LRIG1: variants seen among roughly 807,000 people sequenced by gnomAD.
LRIG1 encodes the protein leucine-rich repeats and immunoglobulin-like domains protein 1.
LRIG1 carries 48 observed loss-of-function variants against 99.2 expected under a neutral mutation model. That is an observed-to-expected ratio of 0.48 (90% CI 0.38 to 0.62). LRIG1 has a LOEUF of 0.62. Among genes scored for constraint, LRIG1 ranks in the 20% least tolerant of loss-of-function variants. The pLI is 0.00. For missense variants in LRIG1, 1,646 were observed against 1,434.4 expected (o/e 1.15, Z -2.38); for synonymous variants, 772 against 596.1 (o/e 1.29, Z -4.30).
chr3:66,422,440 C>T (rs1424990675), intron 3 of LRIG1, among the ~76,000 whole-genome samples: 2 of 152,204 alleles, frequency 1.3e-5, no homozygotes, highest in African/African-American at 2.4e-5. Flanking sequence ...CAAAGTTCCA[C>T]AAATCTCTAG....
chr3:66,417,854 C>A (rs1341153256), intron 3 of LRIG1, among the ~76,000 whole-genome samples: 2 of 151,744 alleles, frequency 1.3e-5, no homozygotes, highest in Non-Finnish European at 2.9e-5. Flanking sequence ...AAGAGGAGCT[C>A]ACTGCTGAGT....
At chr3:66,415,674 T>G (rs1272439693) in intron 4 of LRIG1, among the ~76,000 whole-genome samples, 1 of 152,202 alleles carries the variant, frequency 6.6e-6, no homozygotes, top group African/African-American at 2.4e-5. Context: ...TACAGCGTGA[T>G]TAAGTCGGGG....
In LRIG1 at chr3:66,414,924, G is replaced by T. The variant is rs1559787259; in HGVS notation, c.643C>A (p.Gln215Lys). The change falls in exon 5 of 19, where the codon CAA becomes AAA. Residue 215 changes from glutamine to lysine, a missense_variant. Coordinates refer to ENST00000273261, the MANE Select transcript of LRIG1 (RefSeq NM_015541.3). The part of the protein sequence containing the change: ...VRAFKLPRLT[Q>K]LDLNRNRIRL... The stretch of plus-strand genomic sequence containing the variant: ...AGTGTAGGTTTCTGTACTCACAGTT[G>T]TGTCAGCCTGGGTAGCTTGAATGCT... 6.3e-7 allele frequency: 1 copy of T among 1,599,062 alleles called. No individual in the cohort carries two copies. Among genetic ancestry groups the T allele is most frequent in the Non-Finnish European group, 8.5e-7 (1 of 1,174,142 alleles).
chr3:66,404,229 C>T, intron 9 of LRIG1: 1 of 1,288,784 alleles, frequency 7.8e-7, no homozygotes, highest in Non-Finnish European at 1.0e-6. Context: ...AAAAGACTCT[C>T]CCTACCACAG....
intron 14 of LRIG1, 78 bp from the exon 15 acceptor site, chr3:66,383,479 G>T: frequency 7.7e-7 from 1 of 1,292,614 alleles, no homozygotes; most frequent in South Asian, 1.4e-5. Context: ...CTGGACAACG[G>T]ACAATCCAAC....
intron 3 of LRIG1, among the ~76,000 whole-genome samples, chr3:66,426,548 T>G (rs1702986284): frequency 6.6e-6 from 1 of 152,218 alleles, no homozygotes; most frequent in African/African-American, 2.4e-5. Flanking sequence ...GAGAAAACTT[T>G]CCCATTGTCC....
chr3:66,430,067 A>G (rs1703117684), intron 3 of LRIG1, among the ~76,000 whole-genome samples: 1 of 152,166 alleles, frequency 6.6e-6, no homozygotes, highest in African/African-American at 2.4e-5. Flanking sequence ...AAGGTACTCA[A>G]TCAATATTTG....
intron 1 of LRIG1, among the ~76,000 whole-genome samples, chr3:66,494,364 G>C (rs1372273918): frequency 6.6e-6 from 1 of 152,138 alleles, no homozygotes; most frequent in Non-Finnish European, 1.5e-5. Context: ...GACCACCAGC[G>C]GCAAGAGCCC....
chr3:66,457,321 A>G (rs1241506408), intron 2 of LRIG1, among the ~76,000 whole-genome samples: 2 of 136,806 alleles, frequency 1.5e-5, no homozygotes, highest in African/African-American at 5.6e-5. Context: ...TTCTGTCTCC[A>G]CGACTTTTTA....
intron 12 of LRIG1, among the ~76,000 whole-genome samples, chr3:66,389,375 G>A (rs952459960): frequency 5.3e-5 from 8 of 152,056 alleles, no homozygotes; most frequent in African/African-American, 1.7e-4. Flanking sequence ...ATTAGTAAAT[G>A]CATTAAAGGA....
chr3:66,396,226 G>A (rs1258555424), intron 11 of LRIG1, among the ~76,000 whole-genome samples: 2 of 152,180 alleles, frequency 1.3e-5, no homozygotes, highest in African/African-American at 4.8e-5. Context: ...AGTTAGGACT[G>A]AGAGGATACA....
Position 66,380,308 on chromosome 3 carries a change from G to C in LRIG1, c.3237C>G (p.Leu1079=), listed in dbSNP as rs199581909. 6.2e-7 allele frequency: 1 copy of C among 1,613,994 alleles called. No homozygotes were observed. The highest frequency in any genetic ancestry group is 8.5e-7 in the Non-Finnish European group (1 of 1,179,992). Residue 1079 remains leucine, a synonymous_variant, in exon 19 of 19, where the codon CTC becomes CTG. Coordinates refer to ENST00000273261, the MANE Select transcript of LRIG1 (RefSeq NM_015541.3). ...GCAGTGGCACCCTCTGTTTCCCGGG[G>C]AGCTGTCCTGTCAGTGGCGTGGACT... The part of the protein sequence containing the change: ...SPESTPLTGQ[L]PGKQRVPLLL...
intron 6 of LRIG1, among the ~76,000 whole-genome samples, chr3:66,411,696 G>A (rs968794810): frequency 9.2e-5 from 14 of 152,130 alleles, no homozygotes; most frequent in Non-Finnish European, 1.6e-4. Context: ...AAGAAAACCA[G>A]TAAAGGACAT....
In LRIG1 at chr3:66,394,047, G is replaced by C; in HGVS notation, c.1461C>G (p.Phe487Leu). The C allele has an allele frequency of 1.2e-6, 2 of 1,614,022 alleles. No individual in the cohort carries two copies. The highest frequency in any genetic ancestry group is 2.2e-5 in the South Asian group (2 of 91,016). Reference protein sequence around the residue: ...QSIFSVPPESFVCDDFLKPQI... With the variant: ...QSIFSVPPESLVCDDFLKPQI... ...TTACAAAGACAGTCTTACCGCACAC[G>C]AAACTCTCTGGTGGCACAGAGAAAA... The change falls in exon 12 of 19, where the codon TTC (phenylalanine) becomes TTG (leucine). Residue 487 changes from phenylalanine to leucine, a missense_variant. By Grantham distance (22) the Phe-to-Leu change is conservative. Transcript: ENST00000273261.
At chr3:66,428,764 T>C (rs894042407) in intron 3 of LRIG1, among the ~76,000 whole-genome samples, 1 of 152,252 alleles carries the variant, frequency 6.6e-6, no homozygotes, top group East Asian at 1.9e-4. Flanking sequence ...TTGCAGAAAT[T>C]GATCATTTAC....
intron 1 of LRIG1, among the ~76,000 whole-genome samples, chr3:66,470,641 A>G (rs1372018739): frequency 6.6e-6 from 1 of 152,188 alleles, no homozygotes; most frequent in African/African-American, 2.4e-5. Context: ...TCCCTCACGA[A>G]CATTAATCTA....
At chr3:66,490,645 TA>T (rs34698702) in intron 1 of LRIG1, among the ~76,000 whole-genome samples, 19,052 of 151,556 alleles carry the variant, frequency 0.13, 1,396 homozygotes, top group African/African-American at 0.2. Flanking sequence ...CCCCATAATT[TA>T]AAAAAAAAAA....
At chr3:66,499,969 CTCT>C (rs943005317) in intron 1 of LRIG1, among the ~76,000 whole-genome samples, 156 of 152,014 alleles carry the variant, frequency 1.0e-3, no homozygotes, top group African/African-American at 3.3e-3. Flanking sequence ...ACGAGGCACG[CTCT>C]TCTTCTCCAG....
chr3:66,458,083 T>C (rs530974200), intron 2 of LRIG1, among the ~76,000 whole-genome samples: 40 of 152,372 alleles, frequency 2.6e-4, no homozygotes, highest in African/African-American at 9.1e-4. Flanking sequence ...TTTCTAAGTA[T>C]CTGTTTCCTC....
Sources: gnomAD v4.1 joint callset for allele counts (sites outside exome capture counted in the v4.1 genomes callset) on GRCh38, gnomAD v4.1.1 for gene constraint, MANE v1.5 for transcripts, NCBI Gene and HGNC (gene_info 2026-07-23, HGNC 2026-07-21) for gene names.